The following GSK3B variants were observed in gnomAD, a reference collection of about 807,000 sequenced individuals.
GSK3B encodes glycogen synthase kinase-3 beta.
Under a neutral mutation model 56.4 loss-of-function variants are expected in GSK3B, and 15 were observed. The observed-to-expected ratio is 0.27, with a 90% CI of 0.18 to 0.41. The LOEUF (loss-of-function observed/expected upper bound fraction) is 0.41. Among genes scored for constraint, GSK3B ranks in the 10% least tolerant of loss-of-function variants. The probability of loss-of-function intolerance (pLI) is 1.00; values close to 1 mark genes in which losing one functional copy is unlikely to be tolerated. For synonymous variants in GSK3B, 181 were observed against 188.9 expected (o/e 0.96, Z 0.34); for missense variants, 300 against 513.4 (o/e 0.58, Z 4.02).
At chr3:119,863,667 C>A in intron 8 of GSK3B, 62 bp from the exon 9 acceptor site, 2 of 1,015,828 alleles carry the variant, frequency 2.0e-6, no homozygotes, top group East Asian at 2.6e-5. Flanking sequence ...AAGCAAATAC[C>A]CTGTGAATAA....
chr3:120,062,354 T>C (rs1444201579), intron 1 of GSK3B, among the ~76,000 whole-genome samples: 3 of 152,310 alleles, frequency 2.0e-5, no homozygotes, highest in Non-Finnish European at 4.4e-5. Flanking sequence ...CAGCAAGTTA[T>C]ACACTCTCAC....
At chr3:119,883,070 A>G (rs941326099) in intron 7 of GSK3B, among the ~76,000 whole-genome samples, 1 of 152,182 alleles carries the variant, frequency 6.6e-6, no homozygotes, top group African/African-American at 2.4e-5. Flanking sequence ...TTACCATCAC[A>G]TGACTGAATC....
At chr3:119,889,953 C>A (rs538792421) in intron 7 of GSK3B, among the ~76,000 whole-genome samples, 4 of 151,878 alleles carry the variant, frequency 2.6e-5, no homozygotes, top group African/African-American at 9.7e-5. Flanking sequence ...GGGGCATTTC[C>A]TAATGATAAA....
intron 7 of GSK3B, among the ~76,000 whole-genome samples, chr3:119,879,416 C>T (rs368561090): frequency 1.3e-5 from 2 of 152,066 alleles, no homozygotes; most frequent in African/African-American, 2.4e-5. Context: ...CTCCTGACCT[C>T]GTGATTTACC....
intron 2 of GSK3B, among the ~76,000 whole-genome samples, chr3:119,997,192 C>G (rs1490366635): frequency 3.9e-5 from 6 of 151,972 alleles, no homozygotes; most frequent in Non-Finnish European, 8.8e-5. Context: ...AGTAAAGTAC[C>G]CTACTAAAGG....
At chr3:119,904,455 C>T (rs1204207444) in intron 7 of GSK3B, among the ~76,000 whole-genome samples, 1 of 152,118 alleles carries the variant, frequency 6.6e-6, no homozygotes, top group East Asian at 1.9e-4. Flanking sequence ...GTCTAAGCTG[C>T]AAATTGTAAG....
intron 2 of GSK3B, among the ~76,000 whole-genome samples, chr3:119,995,800 C>T (rs1023100025): frequency 1.2e-4 from 18 of 149,250 alleles, no homozygotes; most frequent in Non-Finnish European, 1.8e-4. Flanking sequence ...TGCAGTGGCG[C>T]AATCTTGGCT....
At chr3:119,971,092 A>C (rs764691564) in intron 2 of GSK3B, among the ~76,000 whole-genome samples, 2 of 152,204 alleles carry the variant, frequency 1.3e-5, no homozygotes, top group African/African-American at 4.8e-5. Flanking sequence ...TCAAAGTTTA[A>C]TCATTAACTT....
At chr3:120,050,930 G>A (rs1309897424) in intron 1 of GSK3B, among the ~76,000 whole-genome samples, 2 of 152,110 alleles carry the variant, frequency 1.3e-5, no homozygotes, top group Non-Finnish European at 2.9e-5. Flanking sequence ...CGGGGTAGGT[G>A]GCTGGAGAGG....
chr3:119,826,858 G>A lies in GSK3B; in HGVS notation c.1196-3C>T. ...TCCACGGTCTCCAGTATTAGCATCT[G>A]CAAGTCAAAAAGTCCCAAGAGAGAG... On this transcript the variant is annotated splice_polypyrimidine_tract_variant and splice_region_variant and intron_variant, in intron 10 of 10. Coordinates refer to ENST00000264235, the MANE Select transcript of GSK3B (RefSeq NM_001146156.2). 1 of 1,600,040 alleles carries A rather than the reference G, an allele frequency of 6.2e-7. No homozygotes were observed. The highest frequency in any genetic ancestry group is 8.6e-7 in the Non-Finnish European group (1 of 1,167,886).
At chr3:120,092,286 G>A (rs1312478236) in intron 1 of GSK3B, among the ~76,000 whole-genome samples, 2 of 152,050 alleles carry the variant, frequency 1.3e-5, no homozygotes, top group African/African-American at 4.8e-5. Context: ...CCACAACCCT[G>A]AACACAGCCC....
At chr3:119,872,081 G>A (rs1404866250) in intron 8 of GSK3B, among the ~76,000 whole-genome samples, 18 of 152,056 alleles carry the variant, frequency 1.2e-4, no homozygotes, top group Admixed American at 1.1e-3. Context: ...AAGTGGGCGG[G>A]AAGGCACCTC....
chr3:119,996,966 A>G (rs1029377370), intron 2 of GSK3B, among the ~76,000 whole-genome samples: 1 of 152,294 alleles, frequency 6.6e-6, no homozygotes, highest in South Asian at 2.1e-4. Context: ...AACCGACTGA[A>G]TATTATCATG....
chr3:120,057,856 A>G (rs773539552), intron 1 of GSK3B, among the ~76,000 whole-genome samples: 116 of 152,112 alleles, frequency 7.6e-4, no homozygotes, highest in Non-Finnish European at 1.4e-3. Flanking sequence ...TCATTAACCC[A>G]TTAAATAGTG....
intron 1 of GSK3B, among the ~76,000 whole-genome samples, chr3:120,027,334 G>A (rs1355239575): frequency 2.0e-5 from 3 of 149,616 alleles, no homozygotes; most frequent in Non-Finnish European, 4.4e-5. Context: ...CCAAGATCAC[G>A]CCACAGCACT....
intron 1 of GSK3B, among the ~76,000 whole-genome samples, chr3:120,047,347 G>C (rs1276788344): frequency 1.3e-5 from 2 of 152,144 alleles, no homozygotes; most frequent in African/African-American, 4.8e-5. Context: ...CTCTCAAGAA[G>C]GCAATCCAGA....
intron 6 of GSK3B, among the ~76,000 whole-genome samples, chr3:119,910,713 C>T (rs2056726923): frequency 6.6e-6 from 1 of 152,156 alleles, no homozygotes; most frequent in African/African-American, 2.4e-5. Context: ...GCATTTTACC[C>T]ACATTAGAAC....
intron 9 of GSK3B, among the ~76,000 whole-genome samples, chr3:119,858,861 G>T (rs1156584292): frequency 6.6e-6 from 1 of 152,122 alleles, no homozygotes; most frequent in Non-Finnish European, 1.5e-5. Context: ...GTGTCTCAGG[G>T]AATAGGAAGA....
At chr3:119,891,846 T>G (rs894823321) in intron 7 of GSK3B, among the ~76,000 whole-genome samples, 1 of 152,164 alleles carries the variant, frequency 6.6e-6, no homozygotes, top group Non-Finnish European at 1.5e-5. Context: ...CTCATGATCT[T>G]TTCATTTGTT....
Sources: gnomAD v4.1 joint callset for allele counts (sites outside exome capture counted in the v4.1 genomes callset) on GRCh38, gnomAD v4.1.1 for gene constraint, MANE v1.5 for transcripts, NCBI Gene and HGNC (gene_info 2026-07-23, HGNC 2026-07-21) for gene names.